AGBL4: variants seen among roughly 807,000 people sequenced by gnomAD.
AGBL4 encodes the protein AGBL carboxypeptidase 4, also known as cytosolic carboxypeptidase 6.
AGBL4 carries 58 observed loss-of-function variants against 66.4 expected under a neutral mutation model. The observed-to-expected ratio is 0.87, with a 90% CI of 0.71 to 1.09. The LOEUF is 1.09. AGBL4 is among the 50% of genes least tolerant of loss of function. The pLI is 0.00. For synonymous variants in AGBL4, 234 were observed against 222.9 expected, an observed-to-expected ratio of 1.05 and a Z score of -0.44; for missense variants, 579 against 631.0, an observed-to-expected ratio of 0.92 and a Z score of 0.88.
the AGBL4 span, among the ~76,000 whole-genome samples, chr1:48,527,589 A>G: frequency 6.0e-5 from 9 of 149,444 alleles, no homozygotes; most frequent in Middle Eastern, 3.2e-3. Context: ...GCAAGACTCC[A>G]TCTCAAAAAA....
At chr1:49,353,478 T>A (rs375859812) in intron 3 of AGBL4, among the ~76,000 whole-genome samples, 1 of 152,172 alleles carries the variant, frequency 6.6e-6, no homozygotes, top group Admixed American at 6.5e-5. Context: ...TCTGTACTTA[T>A]ACATGATCCA....
chr1:48,761,237 G>T, intron 6 of AGBL4: 4 of 1,233,564 alleles, frequency 3.2e-6, no homozygotes, highest in Non-Finnish European at 4.4e-6. Flanking sequence ...GATACCAGGG[G>T]ACATTTACAT....
At chr1:49,199,371 T>C (rs1052935354) in intron 4 of AGBL4, among the ~76,000 whole-genome samples, 7 of 152,198 alleles carry the variant, frequency 4.6e-5, no homozygotes, top group Non-Finnish European at 1.0e-4. Flanking sequence ...TAAGAAGATC[T>C]ATGAAAACAG....
chr1:48,568,988 T>C (rs186565577), intron 11 of AGBL4, among the ~76,000 whole-genome samples: 10 of 152,312 alleles, frequency 6.6e-5, no homozygotes, highest in African/African-American at 2.2e-4. Context: ...AAACTTTTTG[T>C]TAAACAAATG....
intron 5 of AGBL4, among the ~76,000 whole-genome samples, chr1:49,038,214 C>T (rs889251300): frequency 2.6e-5 from 4 of 151,994 alleles, no homozygotes; most frequent in Non-Finnish European, 5.9e-5. Flanking sequence ...AATAATAATA[C>T]TCACATAATA....
intron 2 of AGBL4, among the ~76,000 whole-genome samples, chr1:49,784,629 C>T (rs1028033265): frequency 1.3e-5 from 2 of 151,826 alleles, no homozygotes; most frequent in Non-Finnish European, 2.9e-5. Context: ...GCACAAGTAA[C>T]AAAATTTAAA....
At chr1:49,740,610 C>T (rs991102138) in intron 2 of AGBL4, among the ~76,000 whole-genome samples, 1 of 152,178 alleles carries the variant, frequency 6.6e-6, no homozygotes, top group African/African-American at 2.4e-5. Context: ...CTTTTCAGCA[C>T]CACACCACAC....
chr1:48,941,506 A>T (rs1655971679), intron 5 of AGBL4, among the ~76,000 whole-genome samples: 1 of 152,216 alleles, frequency 6.6e-6, no homozygotes, highest in Non-Finnish European at 1.5e-5. Context: ...CTAGGATTAC[A>T]AAGTGCCAGC....
At chr1:48,648,582 G>A (rs1393828896) in intron 8 of AGBL4, among the ~76,000 whole-genome samples, 1 of 152,166 alleles carries the variant, frequency 6.6e-6, no homozygotes. Flanking sequence ...AGCTTATAGA[G>A]CAAAGGCAAT....
chr1:48,853,217 A>G (rs1375933390), intron 6 of AGBL4, among the ~76,000 whole-genome samples: 1 of 152,134 alleles, frequency 6.6e-6, no homozygotes, highest in Non-Finnish European at 1.5e-5. Context: ...CCTACCATCC[A>G]TAGGAATGAG....
chr1:48,991,773 T>G (rs1159037285), intron 5 of AGBL4, among the ~76,000 whole-genome samples: 2 of 152,140 alleles, frequency 1.3e-5, no homozygotes, highest in Non-Finnish European at 2.9e-5. Flanking sequence ...ATTATGAGAC[T>G]CTGATGCATT....
At chr1:49,586,658 C>CTGAA (rs1313989255) in intron 3 of AGBL4, among the ~76,000 whole-genome samples, 7 of 139,114 alleles carry the variant, frequency 5.0e-5, no homozygotes, top group Non-Finnish European at 1.2e-4. Context: ...GACTGACTGA[C>CTGAA]TGACTGAATG....
At chr1:48,726,773 C>A (rs1367262417) in intron 6 of AGBL4, among the ~76,000 whole-genome samples, 1 of 152,216 alleles carries the variant, frequency 6.6e-6, no homozygotes. Flanking sequence ...TTCTAACCAA[C>A]AATAACAGCC....
chr1:48,770,082 G>A lies in AGBL4; in HGVS notation c.634+97109C>T, dbSNP rs115051105. Among the ~76,000 whole-genome samples the A allele has an allele frequency of 3.4e-3, 517 of 152,246 alleles. 4 individuals carry two copies. The highest frequency in any genetic ancestry group is 0.011 in the African/African-American group (473 of 41,540). ...ATGCTAGAAGCCCTTTCCATTATTT[G>A]TCTGCTCTCTCTGCTGTTATATTGC... is the stretch of plus-strand genomic sequence containing the variant. On this transcript the variant is annotated intron_variant, in intron 6 of 13. Transcript: ENST00000371839.
At chr1:49,159,468 C>T (rs148809815) in intron 4 of AGBL4, among the ~76,000 whole-genome samples, 9,094 of 152,112 alleles carry the variant, frequency 0.06, 774 homozygotes, top group African/African-American at 0.2. Context: ...GTGGGTAACC[C>T]GACCTTTCTC....
chr1:48,600,361 C>T (rs1189937714), intron 9 of AGBL4, among the ~76,000 whole-genome samples: 1 of 152,028 alleles, frequency 6.6e-6, no homozygotes, highest in Non-Finnish European at 1.5e-5. Flanking sequence ...TACTTTATGC[C>T]AGGGGCAGGC....
intron 1 of AGBL4, among the ~76,000 whole-genome samples, chr1:49,884,966 A>G (rs1647861479): frequency 6.6e-6 from 1 of 151,896 alleles, no homozygotes; most frequent in African/African-American, 2.4e-5. Context: ...GGGCTGTGTA[A>G]ATTTTTGATA....
At chr1:48,846,760 A>G (rs1181556523) in intron 6 of AGBL4, among the ~76,000 whole-genome samples, 4 of 152,126 alleles carry the variant, frequency 2.6e-5, no homozygotes, top group Non-Finnish European at 2.9e-5. Context: ...GCTCAGCAGG[A>G]AAGAGTTTAC....
At chr1:49,732,080 A>G (rs1174331910) in intron 2 of AGBL4, among the ~76,000 whole-genome samples, 3 of 152,180 alleles carry the variant, frequency 2.0e-5, no homozygotes, top group African/African-American at 7.2e-5. Context: ...TGGAAAAGTG[A>G]TGACCACTTC....
Sources: allele counts gnomAD v4.1 joint callset (sites outside exome capture counted in the v4.1 genomes callset), GRCh38; gene constraint gnomAD v4.1.1; transcripts MANE v1.5; gene names NCBI Gene and HGNC (gene_info 2026-07-23, HGNC 2026-07-21).